Variants in MCCC1 observed in about 807,000 individuals in gnomAD.
MCCC1 encodes methylcrotonoyl-CoA carboxylase subunit alpha, mitochondrial.
A neutral mutation model predicts 83.8 loss-of-function variants in MCCC1; 64 were observed. The observed-to-expected ratio is 0.76, with a 90% CI of 0.62 to 0.94. The LOEUF (loss-of-function observed/expected upper bound fraction) is 0.94. MCCC1 is among the 40% of genes least tolerant of loss of function. MCCC1 has a pLI of 0.00. For missense variants in MCCC1, 807 were observed against 904.7 expected (o/e 0.89, Z 1.39); for synonymous variants, 322 against 315.4 (o/e 1.02, Z -0.22).
At chr3:183,111,299 G>T (rs952336915) in intron 1 of MCCC1, among the ~76,000 whole-genome samples, 31 of 151,830 alleles carry the variant, frequency 2.0e-4, no homozygotes, top group African/African-American at 6.3e-4. Context: ...TATGTCAAAT[G>T]ACCTTTTTTT....
chr3:183,063,899 CG>C (rs1372121623), intron 7 of MCCC1, among the ~76,000 whole-genome samples: 1 of 152,094 alleles, frequency 6.6e-6, no homozygotes, highest in Non-Finnish European at 1.5e-5. Flanking sequence ...TGCATACACC[CG>C]GGCAAAGGAT....
chr3:183,028,107 T>C (rs1712760176), intron 14 of MCCC1, among the ~76,000 whole-genome samples: 1 of 152,208 alleles, frequency 6.6e-6, no homozygotes, highest in African/African-American at 2.4e-5. Flanking sequence ...ATGCAGCCAG[T>C]GACTTTAAGT....
At chr3:183,091,753 C>G (rs1035630424) in intron 3 of MCCC1, among the ~76,000 whole-genome samples, 1 of 151,894 alleles carries the variant, frequency 6.6e-6, no homozygotes, top group African/African-American at 2.4e-5. Flanking sequence ...AAGAATAGAG[C>G]CTGGATTGGC....
intron 14 of MCCC1, among the ~76,000 whole-genome samples, chr3:183,033,591 G>A (rs1226185147): frequency 6.6e-6 from 1 of 151,916 alleles, no homozygotes; most frequent in African/African-American, 2.4e-5. Flanking sequence ...ACATAGTTTT[G>A]AAAACTGTTT....
At chr3:183,032,479 A>G (rs964382523) in intron 14 of MCCC1, among the ~76,000 whole-genome samples, 1 of 152,242 alleles carries the variant, frequency 6.6e-6, no homozygotes, top group Non-Finnish European at 1.5e-5. Context: ...TTTTCATTAT[A>G]AAGGCTTAAC....
In MCCC1 at chr3:183,106,535, G is replaced by A. The variant is rs1438716983; in HGVS notation, c.-102+8939C>T. ...CTTTTTTGAAACAGAGTCTCGCTCT[G>A]TCGCCCAGGCTGGAGTGCAGGGGTG... On this transcript the variant is annotated intron_variant, in intron 1 of 17. Coordinates refer to the MCCC1 transcript ENST00000492597. Among the ~76,000 whole-genome samples the A allele has an allele frequency of 1.4e-5, 2 of 141,960 alleles. 1 individual carries two copies. The highest frequency in any genetic ancestry group is 6.2e-5 in the African/African-American group (2 of 32,136). 93.1% of individuals were successfully genotyped at this position (141,960 alleles called of 152,430 possible). A position where few individuals can be genotyped will look rare whatever the true frequency, so the allele number is the denominator to read the frequency against.
At chr3:183,041,119 T>A (rs953991547) in intron 11 of MCCC1, among the ~76,000 whole-genome samples, 2 of 152,248 alleles carry the variant, frequency 1.3e-5, no homozygotes, top group Non-Finnish European at 2.9e-5. Context: ...TTATTAATCA[T>A]ATGCTGAACT....
intron 1 of MCCC1, among the ~76,000 whole-genome samples, chr3:183,108,972 T>C (rs912566543): frequency 2.0e-5 from 3 of 152,090 alleles, no homozygotes; most frequent in Non-Finnish European, 4.4e-5. Flanking sequence ...TGCAGGTTTG[T>C]GGGGTTTTTT....
upstream of MCCC1, among the ~76,000 whole-genome samples, chr3:183,103,670 T>C (rs1224690767): frequency 6.6e-6 from 1 of 151,980 alleles, no homozygotes; most frequent in Non-Finnish European, 1.5e-5. Context: ...GACTCAGGAG[T>C]CCAGGTGGCT....
At chr3:183,074,332 T>G (rs1716907563) in intron 4 of MCCC1, among the ~76,000 whole-genome samples, 1 of 152,054 alleles carries the variant, frequency 6.6e-6, no homozygotes, top group Non-Finnish European at 1.5e-5. Context: ...TTTCTAAAAG[T>G]AAACACGCTG....
At chr3:183,042,922 A>G (rs1414203409) in intron 10 of MCCC1, among the ~76,000 whole-genome samples, 1 of 152,220 alleles carries the variant, frequency 6.6e-6, no homozygotes, top group African/African-American at 2.4e-5. Context: ...ACTCTACTAT[A>G]AAGACGCATG....
At position 183,071,344 on chromosome 3, in the gene MCCC1, T is replaced by C; in HGVS notation, c.505A>G (p.Ile169Val). 6.2e-7 allele frequency: 1 copy of C among 1,614,258 alleles called. No homozygotes were observed. ...DMGIKSTSKS[I>V]MAAAGVPVVE... ...ACAGGTACTCCAGCAGCAGCCATTA[T>C]GGATTTGGATGTGCTTTAGAGTGGG... Residue 169 changes from isoleucine (I) to valine (V), a missense_variant, in exon 6 of 19, where the codon ATA (isoleucine) becomes GTA (valine). Transcript: ENST00000265594.
At chr3:183,050,175 C>T (rs1714857462) in intron 9 of MCCC1, among the ~76,000 whole-genome samples, 1 of 151,534 alleles carries the variant, frequency 6.6e-6, no homozygotes, top group Non-Finnish European at 1.5e-5. Flanking sequence ...CAATATGAGA[C>T]CCTGTCTCTA....
chr3:183,038,613 G>A (rs1455430552), intron 12 of MCCC1, among the ~76,000 whole-genome samples: 1 of 152,168 alleles, frequency 6.6e-6, no homozygotes, highest in East Asian at 1.9e-4. Context: ...TTTTACTTTA[G>A]AGAAAAACTA....
At chr3:183,067,607 C>G (rs188078718) in intron 7 of MCCC1, among the ~76,000 whole-genome samples, 1 of 152,234 alleles carries the variant, frequency 6.6e-6, no homozygotes, top group South Asian at 2.1e-4. Flanking sequence ...TTAGACTAAC[C>G]CTGCTTATTC....
chr3:183,046,043 A>C (rs1714534183), intron 9 of MCCC1, among the ~76,000 whole-genome samples: 1 of 152,214 alleles, frequency 6.6e-6, no homozygotes, highest in African/African-American at 2.4e-5. Context: ...AGCTCTAAAA[A>C]ATTTCCCCTA....
intron 7 of MCCC1, among the ~76,000 whole-genome samples, chr3:183,062,350 GTTTTTTTTTT>G (rs71185626): frequency 9.8e-6 from 1 of 102,474 alleles, no homozygotes; most frequent in African/African-American, 3.6e-5. Context: ...TGTTTTTTCA[GTTTTTTTTTT>G]TTTTTTTTTT....
At chr3:183,031,153 CTT>C (rs1017472010) in intron 14 of MCCC1, among the ~76,000 whole-genome samples, 112 of 152,298 alleles carry the variant, frequency 7.4e-4, no homozygotes, top group African/African-American at 2.6e-3. Context: ...TCTGGTGTGA[CTT>C]TTGGAAAATT....
chr3:183,046,918 T>C (rs1714600263), intron 9 of MCCC1, among the ~76,000 whole-genome samples: 1 of 152,154 alleles, frequency 6.6e-6, no homozygotes, highest in African/African-American at 2.4e-5. Context: ...TGAGCTGTAA[T>C]TGACAAATTC....
Sources: allele counts gnomAD v4.1 joint callset (sites outside exome capture counted in the v4.1 genomes callset), GRCh38; gene constraint gnomAD v4.1.1; transcripts MANE v1.5; gene names NCBI Gene and HGNC (gene_info 2026-07-23, HGNC 2026-07-21).